The following RAB3C variants were observed in gnomAD, a reference collection of about 807,000 sequenced individuals.
RAB3C encodes the protein ras-related protein Rab-3C.
RAB3C carries 17 observed loss-of-function variants against 26.4 expected under a neutral mutation model. The ratio of observed to expected loss-of-function variants is 0.64; its 90% CI spans 0.44 to 0.97. The LOEUF (loss-of-function observed/expected upper bound fraction) is 0.97, where lower values mean the gene tolerates loss of function less well. Ranked by LOEUF, RAB3C falls within the 50% of genes least tolerant of loss-of-function variation. The probability of loss-of-function intolerance (pLI) is 0.00; values close to 1 mark genes in which losing one functional copy is unlikely to be tolerated. For synonymous variants in RAB3C, 91 were observed against 95.9 expected (o/e 0.95, Z 0.30); for missense variants, 242 against 281.9 (o/e 0.86, Z 1.01).
intron 1 of RAB3C, among the ~76,000 whole-genome samples, chr5:58,587,797 G>A (rs1746042995): frequency 6.6e-6 from 1 of 152,028 alleles, no homozygotes; most frequent in Admixed American, 6.6e-5. Flanking sequence ...ACCAATCACG[G>A]GTTAGCTGTG....
At chr5:58,756,317 T>TTATATA (rs372230172) in intron 3 of RAB3C, among the ~76,000 whole-genome samples, 4 of 139,222 alleles carry the variant, frequency 2.9e-5, no homozygotes, top group African/African-American at 1.1e-4. Context: ...GCCCCAGTAG[T>TTATATA]TATATATATA....
intron 3 of RAB3C, among the ~76,000 whole-genome samples, chr5:58,809,773 A>G (rs1743029305): frequency 6.6e-6 from 1 of 152,184 alleles, no homozygotes; most frequent in Non-Finnish European, 1.5e-5. Flanking sequence ...ATCCCTCACC[A>G]GGAACTGAAT....
intron 2 of RAB3C, among the ~76,000 whole-genome samples, chr5:58,685,132 A>G (rs1341634308): frequency 6.6e-6 from 1 of 152,170 alleles, no homozygotes; most frequent in African/African-American, 2.4e-5. Context: ...CTAATCCCTC[A>G]TAGATACCAA....
Position 58,821,086 on chromosome 5 carries a change from C to T in RAB3C, c.372-3952C>T, listed in dbSNP as rs4512090. 6.0e-3 allele frequency among the ~76,000 whole-genome samples: 918 copies of T among 152,246 alleles called. 12 individuals are homozygous for T. Among genetic ancestry groups the T allele is most frequent in the African/African-American group, 0.021 (874 of 41,534 alleles). ...AGGGGTGCAGTAGGATGTACTGGCC[C>T]AGGTCAGAAGAGTGCCAAATTTCCT... On this transcript the variant is annotated intron_variant, in intron 3 of 4. Coordinates refer to ENST00000282878, the MANE Select transcript of RAB3C (RefSeq NM_138453.4).
At chr5:58,658,434 A>G (rs148504531) in intron 2 of RAB3C, among the ~76,000 whole-genome samples, 107 of 152,356 alleles carry the variant, frequency 7.0e-4, no homozygotes, top group Admixed American at 2.2e-3. Context: ...ATTGTGGGAA[A>G]GGATTGTGGT....
In RAB3C at chr5:58,755,700, C is replaced by T. The variant is rs528078785; in HGVS notation, c.371+29580C>T. ...TGTCCAGGCAGGGGCAGGTCAGAGT[C>T]TCTCTCATTCTAAAAATGCCCACTG... On this transcript the variant is annotated intron_variant, in intron 3 of 4. Coordinates refer to ENST00000282878, the MANE Select transcript of RAB3C (RefSeq NM_138453.4). Among the ~76,000 whole-genome samples, 12 of 152,288 alleles carry T rather than the reference C, an allele frequency of 7.9e-5. 1 individual carries two copies. In the South Asian group the frequency reaches 1.0e-3, roughly 13 times the overall value.
chr5:58,708,600 A>G (rs1748999498), intron 2 of RAB3C, among the ~76,000 whole-genome samples: 3 of 152,212 alleles, frequency 2.0e-5, no homozygotes, highest in African/African-American at 7.2e-5. Context: ...TTCAAGCAGT[A>G]GAGTCTGTTT....
rs966730056 is a variant in RAB3C, at chr5:58,853,781, T to C, written c.*2430T>C. The C allele has an allele frequency of 2.0e-5, 3 of 152,176 alleles. No individual in the cohort carries two copies. Among genetic ancestry groups the C allele is most frequent in the African/African-American group, 7.2e-5 (3 of 41,428 alleles). The allele number at this position is 152,176 out of a possible 1,614,324, so 9.4% of individuals were successfully genotyped here. A position where few individuals can be genotyped will look rare whatever the true frequency, so the allele number is the denominator to read the frequency against. Reference sequence around the variant, plus strand: ...GGCCTTTTTCATTGATTCTCAGTTCTGAAACTCCCACCCTGTTAGGATTTC... The same window carrying C: ...GGCCTTTTTCATTGATTCTCAGTTCCGAAACTCCCACCCTGTTAGGATTTC... On this transcript the variant is annotated 3_prime_UTR_variant, in exon 5 of 5. Coordinates refer to ENST00000282878, the MANE Select transcript of RAB3C (RefSeq NM_138453.4).
intron 3 of RAB3C, among the ~76,000 whole-genome samples, chr5:58,786,941 C>T (rs992415920): frequency 6.6e-6 from 1 of 151,992 alleles, no homozygotes; most frequent in African/African-American, 2.4e-5. Flanking sequence ...CTAAGGATAT[C>T]CGCGGCCAGT....
intron 3 of RAB3C, among the ~76,000 whole-genome samples, chr5:58,771,468 C>G (rs1742029722): frequency 2.0e-5 from 3 of 151,950 alleles, no homozygotes; most frequent in Admixed American, 1.3e-4. Context: ...ATGGAAAATT[C>G]AAGAAGCTTG....
chr5:58,637,098 C>CTTTTTT (rs10669263), intron 2 of RAB3C, among the ~76,000 whole-genome samples: 10 of 142,206 alleles, frequency 7.0e-5, no homozygotes, highest in Non-Finnish European at 1.1e-4. Context: ...TTTCAAAGAA[C>CTTTTTT]TTTTTTTTTT....
At chr5:58,681,179 G>A (rs1748335087) in intron 2 of RAB3C, among the ~76,000 whole-genome samples, 1 of 152,004 alleles carries the variant, frequency 6.6e-6, no homozygotes, top group African/African-American at 2.4e-5. Flanking sequence ...ACCAAAGAAG[G>A]AAATAGTGAG....
Position 58,700,049 on chromosome 5 carries a change from T to C in RAB3C, c.253-25953T>C, listed in dbSNP as rs549938772. ...AGAAATCACCCATCTTCTCTGTAGATCATGCTGGGAGCTGCAGACCAGAGC... is the reference window on the plus strand; with the variant it reads ...AGAAATCACCCATCTTCTCTGTAGACCATGCTGGGAGCTGCAGACCAGAGC... On this transcript the variant is annotated intron_variant, in intron 2 of 4. Coordinates refer to ENST00000282878, the MANE Select transcript of RAB3C (RefSeq NM_138453.4). Among the ~76,000 whole-genome samples the C allele has an allele frequency of 2.0e-5, 3 of 152,248 alleles. No individual in the cohort carries two copies. In the South Asian group the frequency reaches 6.2e-4, roughly 32 times the overall value.
At chr5:58,764,236 T>C (rs1741852733) in intron 3 of RAB3C, among the ~76,000 whole-genome samples, 1 of 152,184 alleles carries the variant, frequency 6.6e-6, no homozygotes, top group Non-Finnish European at 1.5e-5. Flanking sequence ...TGTGTAAATT[T>C]AAAAAGACTA....
chr5:58,631,762 C>T (rs1194579524), intron 2 of RAB3C, among the ~76,000 whole-genome samples: 4 of 152,106 alleles, frequency 2.6e-5, no homozygotes, highest in Admixed American at 6.5e-5. Flanking sequence ...TCAAATTTTG[C>T]AAAGCAATTA....
At chr5:58,847,364 A>ACT (rs1744027624) in intron 4 of RAB3C, among the ~76,000 whole-genome samples, 1 of 152,168 alleles carries the variant, frequency 6.6e-6, no homozygotes, top group Non-Finnish European at 1.5e-5. Context: ...AGTAGATTGG[A>ACT]AGTGATCTTC....
chr5:58,763,532 T>C (rs956025644), intron 3 of RAB3C, among the ~76,000 whole-genome samples: 4 of 152,184 alleles, frequency 2.6e-5, no homozygotes, highest in Non-Finnish European at 5.9e-5. Context: ...ATCTGGTTCT[T>C]CTGAGGCAGT....
At chr5:58,627,305 A>T (rs1747073554) in intron 2 of RAB3C, among the ~76,000 whole-genome samples, 1 of 152,006 alleles carries the variant, frequency 6.6e-6, no homozygotes, top group Non-Finnish European at 1.5e-5. Flanking sequence ...CTATTGATTC[A>T]TTTACAGTTA....
At chr5:58,617,909 G>A (rs1224317796) in intron 2 of RAB3C, 39 bp downstream of exon 2, 1 of 1,307,964 alleles carries the variant, frequency 7.6e-7, no homozygotes, top group Non-Finnish European at 1.1e-6. Context: ...TCAGGCTGGG[G>A]TGTTGAACAT....
Sources: gnomAD v4.1 joint callset for allele counts (sites outside exome capture counted in the v4.1 genomes callset) on GRCh38, gnomAD v4.1.1 for gene constraint, MANE v1.5 for transcripts, NCBI Gene and HGNC (gene_info 2026-07-23, HGNC 2026-07-21) for gene names.